The following CADPS2 variants were observed in gnomAD, a reference collection of about 807,000 sequenced individuals.
The protein encoded by CADPS2 is calcium-dependent secretion activator 2.
A neutral mutation model predicts 172.5 loss-of-function variants in CADPS2; 93 were observed. The ratio of observed to expected loss-of-function variants is 0.54; its 90% confidence interval spans 0.46 to 0.64. The LOEUF (loss-of-function observed/expected upper bound fraction) is 0.64, where lower values mean the gene tolerates loss of function less well. Ranked by LOEUF, CADPS2 falls within the 30% of genes least tolerant of loss-of-function variation. CADPS2 has a pLI of 0.00. For missense variants in CADPS2, 1,420 were observed against 1,565.9 expected (o/e 0.91, Z 1.57); for synonymous variants, 546 against 555.2 (o/e 0.98, Z 0.23).
At chr7:122,537,795 T>C (rs534215907) in intron 8 of CADPS2, among the ~76,000 whole-genome samples, 1 of 151,752 alleles carries the variant, frequency 6.6e-6, no homozygotes, top group Non-Finnish European at 1.5e-5. Flanking sequence ...AAGATTAGTA[T>C]TGCAGACAAA....
At chr7:122,376,824 T>A (rs1392944149) in intron 25 of CADPS2, among the ~76,000 whole-genome samples, 1 of 152,164 alleles carries the variant, frequency 6.6e-6, no homozygotes, top group Non-Finnish European at 1.5e-5. Context: ...TATATGGTTG[T>A]ATACTTACCT....
chr7:122,877,476 A>G (rs780449129), intron 1 of CADPS2, among the ~76,000 whole-genome samples: 18 of 152,194 alleles, frequency 1.2e-4, no homozygotes, highest in Non-Finnish European at 2.4e-4. Flanking sequence ...CACTATCAAC[A>G]GATGCTTCAA....
intron 1 of CADPS2, among the ~76,000 whole-genome samples, chr7:122,807,074 G>C (rs145534453): frequency 2.6e-5 from 4 of 152,166 alleles, no homozygotes; most frequent in Non-Finnish European, 5.9e-5. Flanking sequence ...TTCTTTCCTC[G>C]TTCCAGCACA....
At chr7:122,344,952 GA>G (rs1174705311) in intron 28 of CADPS2, among the ~76,000 whole-genome samples, 1 of 151,990 alleles carries the variant, frequency 6.6e-6, no homozygotes, top group African/African-American at 2.4e-5. Context: ...ACTTCAAGGA[GA>G]AAAAACTTCT....
intron 1 of CADPS2, among the ~76,000 whole-genome samples, chr7:122,866,350 C>T (rs969531069): frequency 1.3e-5 from 2 of 152,168 alleles, no homozygotes; most frequent in African/African-American, 4.8e-5. Context: ...CTTGCCCCTA[C>T]AATCTATTCT....
At chr7:122,434,199 A>G (rs1299955969) in intron 17 of CADPS2, among the ~76,000 whole-genome samples, 2 of 152,192 alleles carry the variant, frequency 1.3e-5, no homozygotes, top group African/African-American at 4.8e-5. Context: ...AAGAGGTGAC[A>G]ATCAGTCCCA....
chr7:122,854,181 G>A (rs377115606), intron 1 of CADPS2, among the ~76,000 whole-genome samples: 5 of 152,054 alleles, frequency 3.3e-5, no homozygotes, highest in East Asian at 1.9e-4. Context: ...GTAACGTGGC[G>A]AAACCTGGTC....
At chr7:122,804,823 G>C (rs1214570446) in intron 1 of CADPS2, among the ~76,000 whole-genome samples, 1 of 152,056 alleles carries the variant, frequency 6.6e-6, no homozygotes, top group Non-Finnish European at 1.5e-5. Flanking sequence ...TCACTATGCT[G>C]CCTATAGAAA....
intron 9 of CADPS2, among the ~76,000 whole-genome samples, chr7:122,511,775 A>G (rs540190676): frequency 1.1e-4 from 17 of 152,326 alleles, no homozygotes; most frequent in African/African-American, 4.1e-4. Context: ...CAAGTCACTA[A>G]CACAACTTTG....
At chr7:122,439,747 A>G (rs2051111599) in intron 16 of CADPS2, among the ~76,000 whole-genome samples, 1 of 152,180 alleles carries the variant, frequency 6.6e-6, no homozygotes, top group Admixed American at 6.6e-5. Context: ...AGCCAGAAAA[A>G]TCCTTTTGTG....
intron 1 of CADPS2, among the ~76,000 whole-genome samples, chr7:122,750,314 G>C (rs60519662): frequency 0.016 from 2,461 of 152,066 alleles, 63 homozygotes; most frequent in African/African-American, 0.056. Context: ...TAAATTTTTA[G>C]TATAAATATG....
At chr7:122,880,783 CTG>C (rs1822718015) in intron 1 of CADPS2, among the ~76,000 whole-genome samples, 1 of 152,138 alleles carries the variant, frequency 6.6e-6, no homozygotes, top group Non-Finnish European at 1.5e-5. Flanking sequence ...ATTTAGGTAA[CTG>C]AAACACAGTG....
chr7:122,445,847 C>T (rs1271095261), intron 15 of CADPS2, among the ~76,000 whole-genome samples: 1 of 152,148 alleles, frequency 6.6e-6, no homozygotes, highest in Non-Finnish European at 1.5e-5. Context: ...GATTCTGCAA[C>T]TTAAATATTG....
At position 122,320,112 on chromosome 7, in the gene CADPS2, A is replaced by G. The variant is rs922272507; in HGVS notation, c.*53T>C. 15 of 1,408,162 alleles carry G rather than the reference A, an allele frequency of 1.1e-5. No homozygotes were observed. Among genetic ancestry groups the G allele is most frequent in the Middle Eastern group, 1.9e-4 (1 of 5,274 alleles). 87.2% of individuals were successfully genotyped at this position (1,408,162 alleles called of 1,614,324 possible). On this transcript the variant is annotated 3_prime_UTR_variant, in exon 30 of 30. Transcript: ENST00000449022. ...TAATTACAAGGACAAGGTTAAAAAA[A>G]TAAAAAACAATGTCGATCAAGGTCT...
rs149321531 is a variant in CADPS2 at position 122,526,544 on chromosome 7, A to C, written c.1476-13229T>G. ...TTGACACGAAGAACTCCTCTGTACA[A>C]ATACTCTCTGGGTTCTCACTACTCT... On this transcript the variant is annotated intron_variant, in intron 8 of 29. Transcript: ENST00000449022. Among the ~76,000 whole-genome samples, 391 of 152,192 alleles carry C rather than the reference A, an allele frequency of 2.6e-3. 1 individual carries two copies. Among genetic ancestry groups the C allele is most frequent in the Non-Finnish European group, 4.6e-3 (314 of 67,994 alleles).
chr7:122,504,530 C>T (rs2059466991), intron 9 of CADPS2, among the ~76,000 whole-genome samples: 1 of 151,974 alleles, frequency 6.6e-6, no homozygotes, highest in Non-Finnish European at 1.5e-5. Flanking sequence ...CCTCACTTGG[C>T]TTTCCCCACC....
chr7:122,446,217 C>CT (rs2052174736), intron 15 of CADPS2, among the ~76,000 whole-genome samples: 2 of 152,192 alleles, frequency 1.3e-5, no homozygotes, highest in East Asian at 3.9e-4. Flanking sequence ...GCTTGGTTGG[C>CT]TTTTTAATCC....
chr7:122,411,693 G>T lies in CADPS2; in HGVS notation c.2589+2375C>A, dbSNP rs115900415. 5.7e-3 allele frequency among the ~76,000 whole-genome samples: 875 copies of T among 152,174 alleles called. 5 individuals are homozygous for T. The highest frequency in any genetic ancestry group is 0.019 in the African/African-American group (794 of 41,512). ...CTGTACTTTGTTGATAATCCTAAAG[G>T]TTCTGGAGACAATCCAGTGTCTATA... On this transcript the variant is annotated intron_variant, in intron 19 of 29. Coordinates refer to ENST00000449022, the MANE Select transcript of CADPS2 (RefSeq NM_017954.11).
rs1168454121 is a variant in CADPS2, at chr7:122,705,469, T to TTA, written c.453+31484_453+31485dup. ...TATTATATATTATCTATATTATATATTATATATATTTATATTATATATTAT... is the reference window on the plus strand; with the variant it reads ...TATTATATATTATCTATATTATATATTATATATATATTTATATTATATATTAT... On this transcript the variant is annotated intron_variant, in intron 2 of 29. Coordinates refer to ENST00000449022, the MANE Select transcript of CADPS2 (RefSeq NM_017954.11). Among the ~76,000 whole-genome samples, 3 of 133,542 alleles carry TTA rather than the reference T, an allele frequency of 2.2e-5. No individual in the cohort carries two copies. The East Asian group carries it at 6.2e-4, about 28-fold the overall frequency. The allele number at this position is 133,542 out of a possible 152,430, so 87.6% of individuals were successfully genotyped here.
Sources: gnomAD v4.1 joint callset for allele counts (sites outside exome capture counted in the v4.1 genomes callset) on GRCh38, gnomAD v4.1.1 for gene constraint, MANE v1.5 for transcripts, NCBI Gene and HGNC (gene_info 2026-07-23, HGNC 2026-07-21) for gene names.